The following DSC3 variants were observed in gnomAD, a reference collection of about 807,000 sequenced individuals.
The protein encoded by DSC3 is desmocollin-3.
A neutral mutation model predicts 89.5 loss-of-function variants in DSC3; 97 were observed. The observed-to-expected ratio is 1.08, with a 90% confidence interval of 0.92 to 1.28. The LOEUF (loss-of-function observed/expected upper bound fraction) is 1.28, where lower values mean the gene tolerates loss of function less well. Ranked by LOEUF, DSC3 falls within the 50% of genes most tolerant of loss-of-function variation. DSC3 has a pLI of 0.00. For missense variants in DSC3, 1,199 were observed against 1,085.3 expected, an observed-to-expected ratio of 1.10 and a Z score of -1.47; for synonymous variants, 436 against 384.1, an observed-to-expected ratio of 1.14 and a Z score of -1.58.
chr18:31,036,211 T>C (rs1413699860), intron 1 of DSC3, among the ~76,000 whole-genome samples: 5 of 152,194 alleles, frequency 3.3e-5, no homozygotes, highest in Non-Finnish European at 5.9e-5. Flanking sequence ...AATCTCTCTA[T>C]TTCCCATATC....
At position 30,990,415 on chromosome 18, in the gene DSC3, A is replaced by G. The variant is rs1238472569; in HGVS notation, c.*3760T>C. The G allele has an allele frequency of 6.6e-6, 1 of 152,246 alleles. No individual in the cohort carries two copies. The highest frequency in any genetic ancestry group is 1.5e-5 in the Non-Finnish European group (1 of 68,038). 9.4% of individuals were successfully genotyped at this position (152,246 alleles called of 1,614,324 possible). ...TTTTACTATTACAAACAAAAATCCA[A>G]TGAACATTCTTGAAGACATACACAA... On this transcript the variant is annotated 3_prime_UTR_variant, in exon 16 of 16. Coordinates refer to ENST00000360428, the MANE Select transcript of DSC3 (RefSeq NM_001941.5).
At chr18:31,032,548 G>C (rs992300334) in intron 1 of DSC3, among the ~76,000 whole-genome samples, 11 of 96,704 alleles carry the variant, frequency 1.1e-4, no homozygotes, top group African/African-American at 4.1e-4. Flanking sequence ...AACTGCTTCT[G>C]TGTGTATGTG....
chr18:30,999,832 G>T (rs1471465438), intron 14 of DSC3, among the ~76,000 whole-genome samples: 3 of 152,112 alleles, frequency 2.0e-5, no homozygotes, highest in Non-Finnish European at 4.4e-5. Flanking sequence ...GATTCAAGAT[G>T]AAATTTTATG....
intron 9 of DSC3, among the ~76,000 whole-genome samples, chr18:31,014,788 G>A (rs973400480): frequency 9.9e-5 from 15 of 152,098 alleles, no homozygotes; most frequent in Admixed American, 8.5e-4. Context: ...GCTTAATGAG[G>A]TATGGCATGC....
chr18:31,021,006 G>A (rs935724962), intron 7 of DSC3, among the ~76,000 whole-genome samples: 13 of 151,178 alleles, frequency 8.6e-5, no homozygotes, highest in African/African-American at 1.9e-4. Context: ...TGCTCTTCCC[G>A]TATGCTTTAA....
chr18:30,996,753 G>T lies in DSC3; in HGVS notation c.2493+38C>A, dbSNP rs760091902. On this transcript the variant is annotated intron_variant, in intron 15 of 15. Coordinates refer to ENST00000360428, the MANE Select transcript of DSC3 (RefSeq NM_001941.5). ...ATTGTCTATTTTTCTCCATTCGGAG[G>T]TTTAAATTTTAGACTCAAAACACCT... is the stretch of plus-strand genomic sequence containing the variant. 11 of 1,609,902 alleles carry T rather than the reference G, an allele frequency of 6.8e-6. No individual in the cohort carries two copies. In the African/African-American group the frequency reaches 1.3e-4, roughly 20 times the overall value.
intron 7 of DSC3, among the ~76,000 whole-genome samples, chr18:31,021,896 C>A (rs1344802261): frequency 1.3e-5 from 2 of 152,022 alleles, no homozygotes; most frequent in African/African-American, 4.8e-5. Flanking sequence ...AAAAGTGTTT[C>A]ATATTTTTAA....
At chr18:31,036,572 T>A (rs1227856790) in intron 1 of DSC3, among the ~76,000 whole-genome samples, 3 of 152,188 alleles carry the variant, frequency 2.0e-5, no homozygotes, top group African/African-American at 7.2e-5. Context: ...TCTTTTTTTT[T>A]AAAGTAGTAT....
intron 7 of DSC3, among the ~76,000 whole-genome samples, chr18:31,019,573 G>A (rs190986080): frequency 6.6e-6 from 1 of 152,198 alleles, no homozygotes; most frequent in East Asian, 1.9e-4. Flanking sequence ...TAGAAGGATC[G>A]CTCAAGGCCA....
intron 9 of DSC3, among the ~76,000 whole-genome samples, chr18:31,016,038 C>T (rs1435481306): frequency 1.3e-5 from 2 of 152,114 alleles, no homozygotes; most frequent in Admixed American, 6.6e-5. Context: ...AAGACATTCC[C>T]ACCAGCGCCA....
At chr18:30,998,323 T>C (rs1451999433) in intron 14 of DSC3, among the ~76,000 whole-genome samples, 1 of 152,086 alleles carries the variant, frequency 6.6e-6, no homozygotes, top group East Asian at 1.9e-4. Flanking sequence ...TAGAAATTAT[T>C]CTTTTGTGTT....
At position 31,042,731 on chromosome 18, in the gene DSC3, A is replaced by C. The variant is rs1393303524; in HGVS notation, c.-71T>G. The C allele has an allele frequency of 5.1e-6, 7 of 1,380,044 alleles. No homozygotes were observed. Among genetic ancestry groups the C allele is most frequent in the Non-Finnish European group, 6.9e-6 (7 of 1,009,252 alleles). 85.5% of individuals were successfully genotyped at this position (1,380,044 alleles called of 1,614,324 possible). On this transcript the variant is annotated 5_prime_UTR_variant, in exon 1 of 16. Transcript: ENST00000360428. Reference sequence around the variant, plus strand: ...CCGAGAGCGAGACCTGCCGAGGTGCAGGGCGCGGGAGGTGCTTTTCTCGCC... The same window carrying C: ...CCGAGAGCGAGACCTGCCGAGGTGCCGGGCGCGGGAGGTGCTTTTCTCGCC...
chr18:31,032,558 G>A (rs1210590647), intron 1 of DSC3, among the ~76,000 whole-genome samples: 2 of 84,154 alleles, frequency 2.4e-5, no homozygotes, highest in Non-Finnish European at 5.1e-5. Context: ...GTGTGTATGT[G>A]TGTGTGTGTG....
chr18:31,023,529 G>T (rs922258035), intron 6 of DSC3, among the ~76,000 whole-genome samples: 2 of 151,966 alleles, frequency 1.3e-5, no homozygotes, highest in African/African-American at 4.8e-5. Context: ...ATTGTACCAC[G>T]TGAGTAATAA....
Position 30,991,068 on chromosome 18 carries a change from A to T in DSC3, c.*3107T>A, listed in dbSNP as rs1352021037. 6.6e-6 allele frequency: 1 copy of T among 152,492 alleles called. No homozygotes were observed. Among genetic ancestry groups the T allele is most frequent in the Admixed American group, 6.5e-5 (1 of 15,268 alleles). The allele number at this position is 152,492 out of a possible 1,614,324, so 9.4% of individuals were successfully genotyped here. On this transcript the variant is annotated 3_prime_UTR_variant, in exon 16 of 16. Coordinates refer to ENST00000360428, the MANE Select transcript of DSC3 (RefSeq NM_001941.5). The stretch of plus-strand genomic sequence containing the variant: ...TAAATACAGCAAAAACAAGAAACCA[A>T]GTTAATATTGTTTTATTACATCTCC...
rs114470574 is a variant in DSC3 at position 30,990,337 on chromosome 18, G to A, written c.*3838C>T. 2.0e-5 allele frequency: 3 copies of A among 152,196 alleles called. No homozygotes were observed. The highest frequency in any genetic ancestry group is 7.2e-5 in the African/African-American group (3 of 41,528). The allele number at this position is 152,196 out of a possible 1,614,324, so 9.4% of individuals were successfully genotyped here. A position where few individuals can be genotyped will look rare whatever the true frequency, so the allele number is the denominator to read the frequency against. On this transcript the variant is annotated 3_prime_UTR_variant, in exon 16 of 16. Transcript: ENST00000360428. ...AGTGTCCATGCTTCTCAACCATTATGACCCAATATTCAACCAAATCAATAC... is the reference window on the plus strand; with the variant it reads ...AGTGTCCATGCTTCTCAACCATTATAACCCAATATTCAACCAAATCAATAC...
rs1567958976 is a variant in DSC3, at chr18:31,025,885, C to G, written c.505G>C (p.Val169Leu). ...VESDAAQNYT[V>L]FYSISGRGVD... ...CCACGTCCACTTATTGAGTAGAAGA[C>G]AGTATAGTTCTGTGCTGCATCAGAT... is the stretch of plus-strand genomic sequence containing the variant. The change falls in exon 5 of 16, where the codon GTC (valine) becomes CTC (leucine). Residue 169 changes from valine (V) to leucine (L), a missense_variant. Val to Leu is a conservative substitution (Grantham distance 32). Coordinates refer to ENST00000360428, the MANE Select transcript of DSC3 (RefSeq NM_001941.5). 1.2e-6 allele frequency: 2 copies of G among 1,612,630 alleles called. No homozygotes were observed. The highest frequency in any genetic ancestry group is 1.7e-6 in the Non-Finnish European group (2 of 1,179,242).
intron 5 of DSC3, among the ~76,000 whole-genome samples, 178 bp downstream of exon 5, chr18:31,025,582 A>C (rs1177134767): frequency 6.6e-6 from 1 of 152,166 alleles, no homozygotes; most frequent in East Asian, 1.9e-4. Context: ...CTTACCTAAC[A>C]GCAGTTGAGA....
intron 13 of DSC3, among the ~76,000 whole-genome samples, chr18:31,003,591 C>A (rs1984738315): frequency 1.3e-5 from 2 of 152,260 alleles, no homozygotes; most frequent in Non-Finnish European, 1.5e-5. Context: ...GGCTTACAAG[C>A]AATGAAGTTG....
Sources: allele counts gnomAD v4.1 joint callset (sites outside exome capture counted in the v4.1 genomes callset), GRCh38; gene constraint gnomAD v4.1.1; transcripts MANE v1.5; gene names NCBI Gene and HGNC (gene_info 2026-07-23, HGNC 2026-07-21).